ARHGEF28: variants seen among roughly 807,000 people sequenced by gnomAD.
ARHGEF28 encodes 190 kDa guanine nucleotide exchange factor.
In ARHGEF28, 152 loss-of-function variants were observed where a neutral mutation model predicts 206.6. The ratio of observed to expected loss-of-function variants is 0.74; its 90% CI spans 0.64 to 0.84. ARHGEF28 has a LOEUF of 0.84. ARHGEF28 is among the 40% of genes least tolerant of loss of function. The pLI, the probability that ARHGEF28 is intolerant of heterozygous loss-of-function variation, is 0.00. For missense variants in ARHGEF28, 2,028 were observed against 2,073.2 expected, an observed-to-expected ratio of 0.98 and a Z score of 0.42; for synonymous variants, 763 against 776.4, an observed-to-expected ratio of 0.98 and a Z score of 0.29.
intron 1 of ARHGEF28, among the ~76,000 whole-genome samples, chr5:73,645,470 C>T (rs1404593401): frequency 6.6e-6 from 1 of 152,132 alleles, no homozygotes; most frequent in Non-Finnish European, 1.5e-5. Context: ...AAATACCATA[C>T]TCTGATAGTT....
In ARHGEF28 at chr5:73,897,600, G is replaced by A. The variant is rs150036538; in HGVS notation, c.3842-362G>A. Among the ~76,000 whole-genome samples the A allele has an allele frequency of 4.5e-4, 68 of 152,352 alleles. 1 individual carries two copies. In the South Asian group the frequency reaches 7.0e-3, roughly 16 times the overall value. On this transcript the variant is annotated intron_variant, in intron 29 of 35. Coordinates refer to ENST00000513042, the MANE Select transcript of ARHGEF28 (RefSeq NM_001177693.2). Reference sequence around the variant, plus strand: ...TAGGCATACCAGTTTACTGAAAGTTGCATTTGAGATATTTTAATATAATGG... The same window carrying A: ...TAGGCATACCAGTTTACTGAAAGTTACATTTGAGATATTTTAATATAATGG...
chr5:73,742,651 C>T lies in ARHGEF28; in HGVS notation c.34-7186C>T, dbSNP rs936217878. Among the ~76,000 whole-genome samples the T allele has an allele frequency of 3.1e-4, 46 of 150,702 alleles. No individual in the cohort carries two copies. In the South Asian group the frequency reaches 4.8e-3, roughly 16 times the overall value. On this transcript the variant is annotated intron_variant, in intron 2 of 35. Coordinates refer to ENST00000513042, the MANE Select transcript of ARHGEF28 (RefSeq NM_001177693.2). ...CATCCTGGCTAACAAGGTGAAACCC[C>T]GTCTCTACTAAAAATACAAAAACTT...
chr5:73,940,368 C>A (rs2112069701), intron 35 of ARHGEF28, among the ~76,000 whole-genome samples: 1 of 152,168 alleles, frequency 6.6e-6, no homozygotes, highest in Non-Finnish European at 1.5e-5. Context: ...TGGAGGGTCT[C>A]CTTCATTCTT....
In ARHGEF28 at chr5:73,912,056, C is replaced by T. The variant is rs1762938885; in HGVS notation, c.4948+481C>T. On this transcript the variant is annotated intron_variant, in intron 35 of 35. Transcript: ENST00000513042. ...TAAACACCCAAAATGAAACTGTTAA[C>T]ATCATTTGTCATTGTAAAAAAAAAA... Among the ~76,000 whole-genome samples the T allele has an allele frequency of 2.0e-5, 3 of 150,642 alleles. No homozygotes were observed. The South Asian group carries it at 6.3e-4, about 32-fold the overall frequency.
chr5:73,715,865 C>T (rs1455582607), intron 2 of ARHGEF28, among the ~76,000 whole-genome samples: 1 of 152,212 alleles, frequency 6.6e-6, no homozygotes, highest in Admixed American at 6.5e-5. Flanking sequence ...TTCTTTGCAT[C>T]TGGCTTTGCA....
At chr5:73,641,792 C>T (rs1744124489) in intron 1 of ARHGEF28, among the ~76,000 whole-genome samples, 1 of 152,142 alleles carries the variant, frequency 6.6e-6, no homozygotes, top group South Asian at 2.1e-4. Flanking sequence ...GTGACATTTT[C>T]ATCAGGTATG....
intron 2 of ARHGEF28, among the ~76,000 whole-genome samples, chr5:73,705,164 G>A (rs1194788900): frequency 3.3e-5 from 5 of 152,134 alleles, no homozygotes; most frequent in Admixed American, 6.6e-5. Context: ...CTCTGTCTGC[G>A]TAAAGCATTT....
chr5:73,804,571 A>G (rs1390171807), intron 9 of ARHGEF28, among the ~76,000 whole-genome samples: 1 of 152,190 alleles, frequency 6.6e-6, no homozygotes, highest in East Asian at 1.9e-4. Flanking sequence ...ATAGGCTTAC[A>G]TACTTTATTT....
At chr5:73,912,852 T>A (rs748017964) in intron 35 of ARHGEF28, among the ~76,000 whole-genome samples, 15 of 152,250 alleles carry the variant, frequency 9.9e-5, no homozygotes, top group Non-Finnish European at 2.1e-4. Flanking sequence ...GGTTCATTAA[T>A]CTGCTATTTA....
intron 1 of ARHGEF28, among the ~76,000 whole-genome samples, chr5:73,652,995 A>C (rs1744928497): frequency 6.6e-6 from 1 of 152,198 alleles, no homozygotes; most frequent in Non-Finnish European, 1.5e-5. Context: ...GTGTGTAGTT[A>C]ATGTGTATCA....
In ARHGEF28 at chr5:73,909,403, C is replaced by T. The variant is rs377338878; in HGVS notation, c.4162-9C>T. The T allele has an allele frequency of 6.3e-6, 10 of 1,587,988 alleles. No homozygotes were observed. The highest frequency in any genetic ancestry group is 8.6e-6 in the Non-Finnish European group (10 of 1,162,898). On this transcript the variant is annotated splice_polypyrimidine_tract_variant and intron_variant, in intron 33 of 35. Transcript: ENST00000513042. ...TGTTCAGTGATTTTTCCTCTGTCTGCTCTGACAGGCCGCCTTGACCATTCA... is the reference window on the plus strand; with the variant it reads ...TGTTCAGTGATTTTTCCTCTGTCTGTTCTGACAGGCCGCCTTGACCATTCA...
chr5:73,801,828 CAAG>C (rs1179429260), intron 9 of ARHGEF28, among the ~76,000 whole-genome samples: 1 of 152,086 alleles, frequency 6.6e-6, no homozygotes, highest in African/African-American at 2.4e-5. Context: ...TGAAATATCC[CAAG>C]AAGACCACTG....
chr5:73,789,144 A>G (rs1754319141), intron 7 of ARHGEF28, among the ~76,000 whole-genome samples: 1 of 152,236 alleles, frequency 6.6e-6, no homozygotes, highest in Non-Finnish European at 1.5e-5. Context: ...AGGAATAGAT[A>G]AACAAAACAA....
chr5:73,925,500 C>T (rs915323002), intron 35 of ARHGEF28, among the ~76,000 whole-genome samples: 17 of 152,200 alleles, frequency 1.1e-4, no homozygotes, highest in Non-Finnish European at 1.2e-4. Context: ...TTTATTGAGA[C>T]ATAATTTACA....
At chr5:73,713,652 G>C (rs529464850) in intron 2 of ARHGEF28, among the ~76,000 whole-genome samples, 2 of 152,094 alleles carry the variant, frequency 1.3e-5, no homozygotes. Context: ...TTTTTTGGTG[G>C]GGGGAGGGTA....
intron 35 of ARHGEF28, among the ~76,000 whole-genome samples, chr5:73,938,761 T>G (rs1422183538): frequency 6.6e-6 from 1 of 152,182 alleles, no homozygotes; most frequent in Non-Finnish European, 1.5e-5. Flanking sequence ...ACAGGCATGC[T>G]TTGTCTCCCA....
intron 7 of ARHGEF28, among the ~76,000 whole-genome samples, chr5:73,788,152 T>C (rs2112474353): frequency 6.6e-6 from 1 of 152,336 alleles, no homozygotes; most frequent in East Asian, 1.9e-4. Context: ...CTCAACTAAG[T>C]ATTCTAATAG....
intron 35 of ARHGEF28, among the ~76,000 whole-genome samples, chr5:73,919,007 T>G (rs1208100038): frequency 1.3e-5 from 2 of 152,198 alleles, no homozygotes; most frequent in Non-Finnish European, 2.9e-5. Flanking sequence ...AAGAGAACTT[T>G]GCTTCAAACC....
At chr5:73,690,374 A>G (rs1747735987) in intron 2 of ARHGEF28, among the ~76,000 whole-genome samples, 1 of 152,014 alleles carries the variant, frequency 6.6e-6, no homozygotes, top group Non-Finnish European at 1.5e-5. Flanking sequence ...TATTTATCCA[A>G]GAGCTCCTTT....
Sources: gnomAD v4.1 joint callset for allele counts (sites outside exome capture counted in the v4.1 genomes callset) on GRCh38, gnomAD v4.1.1 for gene constraint, MANE v1.5 for transcripts, NCBI Gene and HGNC (gene_info 2026-07-23, HGNC 2026-07-21) for gene names.